The following LRRC43 variants were observed in gnomAD, a reference collection of about 807,000 sequenced individuals.
LRRC43 encodes leucine-rich repeat-containing protein 43.
LRRC43 carries 62 observed loss-of-function variants against 64.3 expected under a neutral mutation model. The observed-to-expected ratio is 0.96, with a 90% CI of 0.79 to 1.19. The LOEUF is 1.19. LRRC43 is among the 50% of genes most tolerant of loss of function. LRRC43 has a pLI of 0.00. For missense variants in LRRC43, 868 were observed against 845.0 expected (o/e 1.03, Z -0.34); for synonymous variants, 422 against 382.3 (o/e 1.10, Z -1.21).
At chr12:122,185,621 C>G (rs553581767) in intron 2 of LRRC43, among the ~76,000 whole-genome samples, 1 of 152,206 alleles carries the variant, frequency 6.6e-6, no homozygotes, top group Non-Finnish European at 1.5e-5. Flanking sequence ...GGAAGTGACA[C>G]GGCACTAGGG....
rs370726337 is a variant in LRRC43, at chr12:122,200,218, C to T, written c.1379C>T (p.Pro460Leu). 5.6e-6 allele frequency: 9 copies of T among 1,614,006 alleles called. No homozygotes were observed. The highest frequency in any genetic ancestry group is 7.6e-6 in the Non-Finnish European group (9 of 1,180,024). The change falls in exon 8 of 12, where the codon CCC becomes CTC. Residue 460 changes from proline (P) to leucine (L), a missense_variant. Coordinates refer to ENST00000339777, the MANE Select transcript of LRRC43 (RefSeq NM_001098519.2). The surrounding 1 kb of genome is among the most constrained non-coding windows in gnomAD (Gnocchi z 4.6). ...GTCCTCTTCAGCACTGCCCACAAGCCCTGGGCTGAGGTCATCCCCTGCAGT... is the reference window on the plus strand; with the variant it reads ...GTCCTCTTCAGCACTGCCCACAAGCTCTGGGCTGAGGTCATCCCCTGCAGT... ...GTVLFSTAHK[P>L]WAEVIPCSYE...
At chr12:122,177,812 TTTTATTTA>T (rs56698669) in intron 1 of LRRC43, among the ~76,000 whole-genome samples, 3,137 of 138,468 alleles carry the variant, frequency 0.023, 93 homozygotes, top group African/African-American at 0.074. Context: ...ACCTTTGTGG[TTTTATTTA>T]TTTATTTATT....
At position 122,200,694 on chromosome 12, in the gene LRRC43, G is replaced by A; in HGVS notation, c.1620+34G>A. 6.2e-7 allele frequency: 1 copy of A among 1,613,304 alleles called. No individual in the cohort carries two copies. Among genetic ancestry groups the A allele is most frequent in the East Asian group, 2.2e-5 (1 of 44,860 alleles). The stretch of plus-strand genomic sequence containing the variant: ...CCTTGGTGCTGGGGAGGGCAGCCTG[G>A]CCACACCCTTGCTTCAACTTGTCCC... On this transcript the variant is annotated intron_variant, in intron 9 of 11. Coordinates refer to ENST00000339777, the MANE Select transcript of LRRC43 (RefSeq NM_001098519.2). The surrounding 1 kb of genome is among the most constrained non-coding windows in gnomAD (Gnocchi z 4.6).
intron 7 of LRRC43, among the ~76,000 whole-genome samples, chr12:122,193,899 C>A (rs1953748836): frequency 6.6e-6 from 1 of 152,134 alleles, no homozygotes; most frequent in Non-Finnish European, 1.5e-5. Flanking sequence ...AAATTAATAG[C>A]CCTTTTCATT....
chr12:122,189,555 G>A (rs759035202), intron 4 of LRRC43: 13 of 454,504 alleles, frequency 2.9e-5, no homozygotes, highest in Non-Finnish European at 5.3e-5. Flanking sequence ...TCTTGGTCTG[G>A]CCACAGGCCT....
chr12:122,190,102 C>A (rs949616042), intron 4 of LRRC43, 28 bp from the exon 5 acceptor site: 3 of 1,590,500 alleles, frequency 1.9e-6, no homozygotes, highest in South Asian at 1.1e-5. Context: ...GGCTTCTTGA[C>A]CCCCAGACGG....
intron 11 of LRRC43, among the ~76,000 whole-genome samples, chr12:122,201,704 G>A (rs1003681819): frequency 6.6e-6 from 1 of 152,208 alleles, no homozygotes; most frequent in Non-Finnish European, 1.5e-5. Context: ...ATCTGAAATG[G>A]GTGCGTCTCA....
In LRRC43 at chr12:122,190,209, C is replaced by T. The variant is rs369545625; in HGVS notation, c.742C>T (p.Arg248Trp). 58 of 1,613,982 alleles carry T rather than the reference C, an allele frequency of 3.6e-5. No homozygotes were observed. The highest frequency in any genetic ancestry group is 4.6e-5 in the Non-Finnish European group (54 of 1,180,014). Residue 248 changes from arginine (R) to tryptophan (W), a missense_variant, in exon 5 of 12, where the codon CGG becomes TGG. By Grantham distance (101) the Arg-to-Trp change is moderately radical. Transcript: ENST00000339777. ...CATGGTCACCAGCCTGAGGACCCTC[C>T]GGCACCTGCGACTCCTGGTGCTGCA... Reference protein sequence around the residue: ...QSMVTSLRTLRHLRLLVLQGN... With the variant: ...QSMVTSLRTLWHLRLLVLQGN...
intron 1 of LRRC43, among the ~76,000 whole-genome samples, chr12:122,174,526 C>T (rs1252163872): frequency 6.6e-6 from 1 of 152,148 alleles, no homozygotes; most frequent in African/African-American, 2.4e-5. Flanking sequence ...TTGACAGACA[C>T]GACCATACCA....
At chr12:122,189,426 G>A (rs1230433003) in intron 4 of LRRC43, 1 of 456,688 alleles carries the variant, frequency 2.2e-6, no homozygotes, top group Non-Finnish European at 4.4e-6. Context: ...GAGTGAGGCT[G>A]GGATTGGGAG....
chr12:122,177,196 A>G (rs943287564), intron 1 of LRRC43, among the ~76,000 whole-genome samples: 21 of 152,160 alleles, frequency 1.4e-4, no homozygotes, highest in African/African-American at 3.1e-4. Flanking sequence ...GGCCTCCCCA[A>G]TGCAATCCCA....
intron 1 of LRRC43, chr12:122,174,024 A>G (rs957342445): frequency 3.1e-6 from 5 of 1,613,456 alleles, no homozygotes; most frequent in Non-Finnish European, 4.2e-6. Context: ...GAGCGCATAC[A>G]TCACACACCC....
At chr12:122,187,913 GCTTGAGA>G in intron 4 of LRRC43, 73 bp downstream of exon 4, 2 of 1,501,494 alleles carry the variant, frequency 1.3e-6, no homozygotes, top group Non-Finnish European at 1.8e-6. Context: ...TACCCCAGTG[GCTTGAGA>G]ACTCAGCTTT....
At chr12:122,186,788 A>G (rs1362024948) in intron 3 of LRRC43, among the ~76,000 whole-genome samples, 6 of 152,116 alleles carry the variant, frequency 3.9e-5, no homozygotes, top group African/African-American at 9.7e-5. Flanking sequence ...GTGTGGTGGC[A>G]TGCGCCTGTA....
At chr12:122,195,728 C>T (rs982924618) in intron 7 of LRRC43, among the ~76,000 whole-genome samples, 7 of 152,164 alleles carry the variant, frequency 4.6e-5, no homozygotes, top group African/African-American at 1.7e-4. Context: ...GATGTGTTTG[C>T]ATTTATCCTG....
chr12:122,178,768 G>C (rs545591208), upstream of LRRC43, among the ~76,000 whole-genome samples: 41 of 151,346 alleles, frequency 2.7e-4, no homozygotes, highest in African/African-American at 8.7e-4. Context: ...TTTTTTGTTT[G>C]TTTGTTTTTC....
At chr12:122,183,010 G>A, upstream of LRRC43, 2 of 1,360,618 alleles carry the variant, frequency 1.5e-6, no homozygotes, top group Non-Finnish European at 1.9e-6. Context: ...GGGCAGAAGA[G>A]AAAACGCAGG....
At position 122,183,310 on chromosome 12, in the gene LRRC43, C is replaced by T. The variant is rs763809293; in HGVS notation, c.150+16C>T. 2 of 1,482,070 alleles carry T rather than the reference C, an allele frequency of 1.3e-6. No homozygotes were observed. Among genetic ancestry groups the T allele is most frequent in the South Asian group, 1.4e-5 (1 of 72,818 alleles). The allele number at this position is 1,482,070 out of a possible 1,614,324, so 91.8% of individuals were successfully genotyped here. ...CGGCAGCTGGGTGCGGGCGCCGGGG[C>T]CGGAACTCTGGGGGCCTGGACCGGC... On this transcript the variant is annotated intron_variant, in intron 1 of 11. Coordinates refer to ENST00000339777, the MANE Select transcript of LRRC43 (RefSeq NM_001098519.2).
chr12:122,201,757 A>T (rs772290854), intron 11 of LRRC43, among the ~76,000 whole-genome samples: 1 of 152,160 alleles, frequency 6.6e-6, no homozygotes, highest in South Asian at 2.1e-4. Context: ...AGGGAGAGAA[A>T]GGAGACAGGG....
Sources: allele counts gnomAD v4.1 joint callset (sites outside exome capture counted in the v4.1 genomes callset), GRCh38; gene constraint gnomAD v4.1.1; non-coding constraint Gnocchi (gnomAD v3.1); transcripts MANE v1.5; gene names NCBI Gene and HGNC (gene_info 2026-07-23, HGNC 2026-07-21).